Variants in STX8 observed in about 807,000 individuals in gnomAD.
STX8 encodes the protein syntaxin 8.
In STX8, 23 loss-of-function variants were observed where a neutral mutation model predicts 37.5. That is an observed-to-expected ratio of 0.61 (90% CI 0.44 to 0.87). STX8 has a LOEUF of 0.87. Ranked by LOEUF, STX8 falls within the 40% of genes least tolerant of loss-of-function variation. The pLI is 0.00. For synonymous variants in STX8, 115 were observed against 99.1 expected (o/e 1.16, Z -0.95); for missense variants, 313 against 284.7 (o/e 1.10, Z -0.71).
chr17:9,451,301 T>C (rs1205179636), intron 6 of STX8, among the ~76,000 whole-genome samples: 1 of 152,146 alleles, frequency 6.6e-6, no homozygotes, highest in East Asian at 1.9e-4. Context: ...TGCCATTTCG[T>C]CTCATCTTTC....
intron 7 of STX8, among the ~76,000 whole-genome samples, chr17:9,339,655 C>T (rs575784941): frequency 6.6e-6 from 1 of 151,596 alleles, no homozygotes; most frequent in East Asian, 1.9e-4. Context: ...GAGTGAGACA[C>T]CATCTAAAAA....
At chr17:9,558,172 G>T (rs1026735506) in intron 2 of STX8, among the ~76,000 whole-genome samples, 1 of 152,164 alleles carries the variant, frequency 6.6e-6, no homozygotes, top group African/African-American at 2.4e-5. Context: ...AGAAGAGGGC[G>T]AGAAGAGAGT....
chr17:9,411,035 C>G (rs916651632), intron 6 of STX8, among the ~76,000 whole-genome samples: 8 of 152,194 alleles, frequency 5.3e-5, no homozygotes, highest in Admixed American at 1.3e-4. Flanking sequence ...ATAACAACCA[C>G]TGCAAAGTCC....
At chr17:9,338,105 G>A (rs1910198759) in intron 7 of STX8, among the ~76,000 whole-genome samples, 1 of 146,898 alleles carries the variant, frequency 6.8e-6, no homozygotes, top group Non-Finnish European at 1.5e-5. Flanking sequence ...CCAGGCTGGA[G>A]TGCAATGGTG....
chr17:9,461,369 G>A (rs1231374458), intron 6 of STX8: 3 of 152,070 alleles, frequency 2.0e-5, no homozygotes, highest in Non-Finnish European at 4.4e-5. Context: ...TTTTCCAAGG[G>A]TGCACACCCT....
At chr17:9,562,618 A>C (rs897597721) in intron 2 of STX8, among the ~76,000 whole-genome samples, 3 of 140,396 alleles carry the variant, frequency 2.1e-5, no homozygotes, top group Non-Finnish European at 4.7e-5. Context: ...AAAAAAATAT[A>C]TATATATATA....
chr17:9,444,908 T>C (rs1010434507), intron 6 of STX8, among the ~76,000 whole-genome samples: 3 of 152,174 alleles, frequency 2.0e-5, no homozygotes, highest in Non-Finnish European at 4.4e-5. Context: ...GTCCAGCTCA[T>C]TTGTAGAAGC....
intron 7 of STX8, among the ~76,000 whole-genome samples, chr17:9,355,541 C>T (rs539457145): frequency 3.5e-4 from 51 of 145,494 alleles, no homozygotes; most frequent in African/African-American, 1.1e-3. Context: ...CTCATTCTGT[C>T]GCCCAGGCTG....
In STX8 at chr17:9,351,877, G is replaced by C. The variant is rs576286070; in HGVS notation, c.643+26675C>G. Among the ~76,000 whole-genome samples the C allele has an allele frequency of 1.1e-4, 17 of 152,196 alleles. No individual in the cohort carries two copies. In the East Asian group the frequency reaches 3.3e-3, roughly 29 times the overall value. On this transcript the variant is annotated intron_variant, in intron 7 of 7. Transcript: ENST00000306357. ...ATTATACCGCATCAAATTTGGAGCA[G>C]TGTACTGTGTCCTGTAATCCTAGCG...
intron 6 of STX8, among the ~76,000 whole-genome samples, chr17:9,419,670 C>T (rs191338082): frequency 8.5e-5 from 13 of 152,256 alleles, no homozygotes; most frequent in Admixed American, 4.6e-4. Context: ...GGTCCATGAA[C>T]GGTCACGGCC....
chr17:9,299,015 T>C (rs1208511159), intron 7 of STX8, among the ~76,000 whole-genome samples: 1 of 152,160 alleles, frequency 6.6e-6, no homozygotes, highest in Non-Finnish European at 1.5e-5. Context: ...CTGGTTTTTC[T>C]CTTGTCGGTG....
chr17:9,568,686 G>A (rs907597864), intron 1 of STX8, among the ~76,000 whole-genome samples: 1 of 152,226 alleles, frequency 6.6e-6, no homozygotes, highest in Non-Finnish European at 1.5e-5. Context: ...ATTTTTAGTA[G>A]AGATGAGGTT....
At chr17:9,478,577 A>G (rs942325173) in intron 6 of STX8, among the ~76,000 whole-genome samples, 15 of 152,272 alleles carry the variant, frequency 9.9e-5, no homozygotes, top group Admixed American at 8.5e-4. Context: ...GATTGTGACT[A>G]AAAAAACAAA....
intron 7 of STX8, among the ~76,000 whole-genome samples, chr17:9,329,255 T>C (rs1257762871): frequency 1.3e-5 from 2 of 152,052 alleles, no homozygotes; most frequent in Non-Finnish European, 2.9e-5. Context: ...GCATTGAGGA[T>C]GCTACAGGAA....
At chr17:9,510,349 T>C (rs887888686) in intron 4 of STX8, among the ~76,000 whole-genome samples, 3 of 152,122 alleles carry the variant, frequency 2.0e-5, no homozygotes, top group Non-Finnish European at 4.4e-5. Context: ...CAACAGCACA[T>C]AGAACATGGA....
At chr17:9,568,264 G>T in intron 2 of STX8, 107 bp downstream of exon 2, 1 of 750,426 alleles carries the variant, frequency 1.3e-6, no homozygotes, top group Non-Finnish European at 2.2e-6. Flanking sequence ...TAAGCAGATA[G>T]ATCATCATAC....
At chr17:9,254,030 A>G (rs1906690526) in intron 7 of STX8, among the ~76,000 whole-genome samples, 2 of 152,190 alleles carry the variant, frequency 1.3e-5, no homozygotes, top group African/African-American at 4.8e-5. Context: ...CGATGGAACT[A>G]CAGCAAGCTT....
intron 6 of STX8, among the ~76,000 whole-genome samples, chr17:9,388,628 A>G (rs1018147696): frequency 1.3e-5 from 2 of 151,538 alleles, no homozygotes; most frequent in Non-Finnish European, 2.9e-5. Flanking sequence ...ACATGGAGAA[A>G]TGCCATCTGT....
At chr17:9,258,928 G>A (rs142334939) in intron 7 of STX8, among the ~76,000 whole-genome samples, 3 of 152,300 alleles carry the variant, frequency 2.0e-5, no homozygotes, top group East Asian at 1.9e-4. Context: ...TGCTCAGCCC[G>A]TACACAGCCA....
Sources: gnomAD v4.1 joint callset for allele counts (sites outside exome capture counted in the v4.1 genomes callset) on GRCh38, gnomAD v4.1.1 for gene constraint, MANE v1.5 for transcripts, NCBI Gene and HGNC (gene_info 2026-07-23, HGNC 2026-07-21) for gene names.